PAK1: variants seen among roughly 807,000 people sequenced by gnomAD.
PAK1 encodes the protein p21 (RAC1) activated kinase 1, also known as serine/threonine-protein kinase PAK 1.
A neutral mutation model predicts 67.4 loss-of-function variants in PAK1; 29 were observed. The observed-to-expected ratio is 0.43, with a 90% CI of 0.32 to 0.59. The LOEUF (loss-of-function observed/expected upper bound fraction) is 0.59. Among genes scored for constraint, PAK1 ranks in the 20% least tolerant of loss-of-function variants. The pLI is 0.07. For synonymous variants in PAK1, 223 were observed against 237.4 expected, an observed-to-expected ratio of 0.94 and a Z score of 0.56; for missense variants, 337 against 670.7, an observed-to-expected ratio of 0.50 and a Z score of 5.50.
chr11:77,507,301 A>C, the PAK1 span, among the ~76,000 whole-genome samples: 7 of 152,316 alleles, frequency 4.6e-5, no homozygotes, highest in East Asian at 1.4e-3. Context: ...CAGCAACCAG[A>C]GCACCTTAAG....
the PAK1 span, among the ~76,000 whole-genome samples, chr11:77,525,490 G>A: frequency 1.3e-5 from 2 of 152,102 alleles, no homozygotes; most frequent in Admixed American, 1.3e-4. Context: ...ACTACATGCA[G>A]CCAGGGAGCA....
chr11:77,359,354 T>G (rs599437), intron 5 of PAK1, among the ~76,000 whole-genome samples: 96,015 of 151,892 alleles, frequency 0.63, 30,593 homozygotes, highest in Non-Finnish European at 0.67. Context: ...TATGAATTTT[T>G]CTCTCCACAC....
chr11:77,346,540 A>T (rs980180808), intron 9 of PAK1, among the ~76,000 whole-genome samples: 1 of 152,192 alleles, frequency 6.6e-6, no homozygotes, highest in Non-Finnish European at 1.5e-5. Context: ...AAGTGAGACA[A>T]TGGCCAATGC....
chr11:77,325,393 A>G, intron 14 of PAK1: 1 of 1,612,492 alleles, frequency 6.2e-7, no homozygotes, highest in South Asian at 1.1e-5. Context: ...AAATGAGAAT[A>G]GAACCTATGA....
At chr11:77,415,031 G>A (rs1334836811) in intron 1 of PAK1, among the ~76,000 whole-genome samples, 1 of 152,080 alleles carries the variant, frequency 6.6e-6, no homozygotes, top group African/African-American at 2.4e-5. Flanking sequence ...AACTCAGTAA[G>A]AAGTGACCCA....
At chr11:77,415,782 CTAAACT>C (rs931465360) in intron 1 of PAK1, among the ~76,000 whole-genome samples, 4 of 152,008 alleles carry the variant, frequency 2.6e-5, no homozygotes, top group African/African-American at 9.7e-5. Flanking sequence ...TTACGCTGCA[CTAAACT>C]TAAATTTTTT....
In PAK1 at chr11:77,349,284, A is replaced by T; in HGVS notation, c.840T>A (p.Ala280=). The part of the protein sequence containing the change: ...YTRFEKIGQG[A]SGTVYTAMDV... ...CCATTGCTGTGTACACGGTGCCTGA[A>T]GCACTGAACAGTAAGGTGGCGGAGA... The change falls in exon 9 of 15, where the codon GCT becomes GCA. Residue 280 remains alanine (A), a synonymous_variant. Transcript: ENST00000356341. 1 of 1,598,696 alleles carries T rather than the reference A, an allele frequency of 6.3e-7. No individual in the cohort carries two copies. The highest frequency in any genetic ancestry group is 8.5e-7 in the Non-Finnish European group (1 of 1,171,490).
intron 5 of PAK1, among the ~76,000 whole-genome samples, chr11:77,368,807 A>C (rs911980654): frequency 9.9e-5 from 15 of 151,998 alleles, no homozygotes; most frequent in Admixed American, 9.2e-4. Context: ...CAGGCACACA[A>C]CACCAAGCCC....
At chr11:77,527,735 G>A in the PAK1 span, among the ~76,000 whole-genome samples, 15 of 152,068 alleles carry the variant, frequency 9.9e-5, no homozygotes, top group Non-Finnish European at 1.5e-4. Context: ...AGAAACTTAC[G>A]GAAAATTTTA....
chr11:77,338,182 A>C (rs981849063), intron 11 of PAK1, among the ~76,000 whole-genome samples: 1 of 152,192 alleles, frequency 6.6e-6, no homozygotes, highest in African/African-American at 2.4e-5. Context: ...AAATTTGGGA[A>C]TCAGATGAGA....
At chr11:77,324,056 A>G (rs1185416809) in intron 14 of PAK1, among the ~76,000 whole-genome samples, 1 of 152,096 alleles carries the variant, frequency 6.6e-6, no homozygotes, top group Non-Finnish European at 1.5e-5. Context: ...TTCCCAAATC[A>G]CTTTCACTGG....
intron 14 of PAK1, among the ~76,000 whole-genome samples, chr11:77,327,240 T>C (rs1236670513): frequency 2.0e-5 from 3 of 152,050 alleles, no homozygotes; most frequent in African/African-American, 7.2e-5. Flanking sequence ...ACTTCCCCAA[T>C]CTAGCAAGGC....
At chr11:77,406,702 A>G (rs1953621483) in intron 1 of PAK1, among the ~76,000 whole-genome samples, 2 of 152,210 alleles carry the variant, frequency 1.3e-5, no homozygotes, top group African/African-American at 4.8e-5. Flanking sequence ...TGCTTGAGCC[A>G]AAAGGTCAAG....
At chr11:77,477,899 G>A (rs533729123), upstream of PAK1, among the ~76,000 whole-genome samples, 1 of 152,174 alleles carries the variant, frequency 6.6e-6, no homozygotes, top group Admixed American at 6.5e-5. Flanking sequence ...CTCCAGCCCA[G>A]GAAACAGCGT....
the PAK1 span, among the ~76,000 whole-genome samples, chr11:77,500,057 C>A: frequency 1.3e-5 from 2 of 152,088 alleles, no homozygotes. Flanking sequence ...AAGTTTGCTC[C>A]CTTGGAAAAT....
At chr11:77,348,112 C>T (rs1944709323) in intron 9 of PAK1, among the ~76,000 whole-genome samples, 2 of 152,120 alleles carry the variant, frequency 1.3e-5, no homozygotes, top group Non-Finnish European at 2.9e-5. Flanking sequence ...ATGTGCTACC[C>T]CTATTAACCA....
intron 1 of PAK1, among the ~76,000 whole-genome samples, chr11:77,417,588 A>G (rs979559371): frequency 3.9e-5 from 6 of 152,348 alleles, no homozygotes; most frequent in African/African-American, 1.4e-4. Flanking sequence ...AACCTACAGA[A>G]CTATACAACC....
chr11:77,496,360 C>T, the PAK1 span, among the ~76,000 whole-genome samples: 2 of 152,084 alleles, frequency 1.3e-5, no homozygotes, highest in African/African-American at 4.8e-5. Flanking sequence ...CAAGGTGGCT[C>T]GATCTTATAA....
At chr11:77,506,355 C>CA in the PAK1 span, among the ~76,000 whole-genome samples, 1 of 152,114 alleles carries the variant, frequency 6.6e-6, no homozygotes, top group African/African-American at 2.4e-5. Flanking sequence ...AGAGAGGATT[C>CA]AAAAAATTGC....
Sources: gnomAD v4.1 joint callset for allele counts (sites outside exome capture counted in the v4.1 genomes callset) on GRCh38, gnomAD v4.1.1 for gene constraint, MANE v1.5 for transcripts, NCBI Gene and HGNC (gene_info 2026-07-23, HGNC 2026-07-21) for gene names.